Variants in DLG5 observed in about 807,000 individuals in gnomAD.
DLG5 encodes the protein disks large homolog 5.
In DLG5, 48 loss-of-function variants were observed where a neutral mutation model predicts 189.8. The ratio of observed to expected loss-of-function variants is 0.25; its 90% CI spans 0.20 to 0.32. The LOEUF (loss-of-function observed/expected upper bound fraction) is 0.32, where lower values mean the gene tolerates loss of function less well. DLG5 is among the 10% of genes least tolerant of loss of function. The pLI, the probability that DLG5 is intolerant of heterozygous loss-of-function variation, is 1.00. For synonymous variants in DLG5, 1,016 were observed against 1,054.1 expected (o/e 0.96, Z 0.70); for missense variants, 2,160 against 2,544.7 (o/e 0.85, Z 3.25).
chr10:77,908,798 G>A (rs535814125), intron 1 of DLG5, among the ~76,000 whole-genome samples: 1 of 152,164 alleles, frequency 6.6e-6, no homozygotes, highest in Middle Eastern at 3.4e-3. Flanking sequence ...GGGGGGTGGG[G>A]GGAGAGAAGC....
chr10:77,813,017 G>A (rs1034349468), intron 20 of DLG5, among the ~76,000 whole-genome samples: 2 of 152,242 alleles, frequency 1.3e-5, no homozygotes, highest in Admixed American at 1.3e-4. Context: ...TGGGCCTGGT[G>A]GCCACGGGCA....
At chr10:77,923,240 G>C (rs929188880) in intron 1 of DLG5, among the ~76,000 whole-genome samples, 1 of 152,214 alleles carries the variant, frequency 6.6e-6, no homozygotes, top group African/African-American at 2.4e-5. Flanking sequence ...CAAACCCAGA[G>C]CTGCTGCCCA....
intron 1 of DLG5, among the ~76,000 whole-genome samples, chr10:77,886,595 T>C (rs776122107): frequency 9.2e-5 from 14 of 152,128 alleles, no homozygotes; most frequent in Non-Finnish European, 1.3e-4. Flanking sequence ...CCTCAAGTGA[T>C]CTGCCTGCTT....
chr10:77,917,633 G>T (rs1478334858), intron 1 of DLG5, among the ~76,000 whole-genome samples: 1 of 152,110 alleles, frequency 6.6e-6, no homozygotes, highest in African/African-American at 2.4e-5. Context: ...AAGGTCTAGG[G>T]GGCCATGTAG....
chr10:77,811,241 G>A lies in DLG5; in HGVS notation c.4323-7C>T. On this transcript the variant is annotated splice_polypyrimidine_tract_variant and splice_region_variant and intron_variant, in intron 22 of 31. Coordinates refer to ENST00000372391, the MANE Select transcript of DLG5 (RefSeq NM_004747.4). ...GGCAGGGTCCAGGTGTGAGCTGGAG[G>A]CGGAGGACAGGAGGGATAAGGAGCA... 1 of 1,612,188 alleles carries A rather than the reference G, an allele frequency of 6.2e-7. No homozygotes were observed. The highest frequency in any genetic ancestry group is 8.5e-7 in the Non-Finnish European group (1 of 1,179,582).
chr10:77,861,158 C>T (rs1844454724), intron 2 of DLG5, among the ~76,000 whole-genome samples: 2 of 152,100 alleles, frequency 1.3e-5, no homozygotes, highest in South Asian at 4.1e-4. Context: ...GACTCTACAC[C>T]CATGTGAGGA....
Position 77,821,775 on chromosome 10 carries a change from A to T in DLG5, c.2709T>A (p.Arg903=). ...CACGCACGTCCACCAGCCCAAAGCC[A>T]CGGTCCCCAGAGGCATCTGAGCGGA... ...SSFRSDASGD[R]GFGLVDVRGR... Residue 903 remains arginine (R), a synonymous_variant, in exon 15 of 32, where the codon CGT becomes CGA. Transcript: ENST00000372391. 2 of 1,610,420 alleles carry T rather than the reference A, an allele frequency of 1.2e-6. No homozygotes were observed. The highest frequency in any genetic ancestry group is 1.7e-6 in the Non-Finnish European group (2 of 1,178,608).
chr10:77,812,257 G>C lies in DLG5; in HGVS notation c.4146C>G (p.Ile1382Met). The C allele has an allele frequency of 1.2e-6, 2 of 1,614,124 alleles. No homozygotes were observed. Among genetic ancestry groups the C allele is most frequent in the Non-Finnish European group, 1.7e-6 (2 of 1,179,990 alleles). The change falls in exon 21 of 32, where the codon ATC becomes ATG. Residue 1382 changes from isoleucine (I) to methionine (M), a missense_variant. Physicochemically the swap from Ile to Met is conservative, Grantham distance 10. Transcript: ENST00000372391. ...IYVSKVTVGS[I>M]AHQAGLEYGD... ...CATACTCGAGGCCAGCCTGGTGAGCGATGCTCCCCACGGTCACCTTGGAGA... is the reference window on the plus strand; with the variant it reads ...CATACTCGAGGCCAGCCTGGTGAGCCATGCTCCCCACGGTCACCTTGGAGA...
chr10:77,829,432 T>C lies in DLG5; in HGVS notation c.2108A>G (p.Asn703Ser). The C allele has an allele frequency of 1.2e-6, 2 of 1,614,252 alleles. No homozygotes were observed. The highest frequency in any genetic ancestry group is 2.7e-5 in the African/African-American group (2 of 75,076). The change falls in exon 12 of 32, where the codon AAC (asparagine) becomes AGC (serine). Residue 703 changes from asparagine (N) to serine (S), a missense_variant. Asn to Ser is a conservative substitution (Grantham distance 46). Coordinates refer to ENST00000372391, the MANE Select transcript of DLG5 (RefSeq NM_004747.4). ...KALLNGEGAI[N>S]MVVRRRKSLG... is the part of the protein sequence containing the mutation. ...GGACTTCCTCCGCCGCACGACCATG[T>C]TGATGGCCCCCTCCCCATTGAGGAG...
intron 1 of DLG5, among the ~76,000 whole-genome samples, chr10:77,874,587 A>G (rs1415219325): frequency 6.6e-6 from 1 of 152,212 alleles, no homozygotes; most frequent in Non-Finnish European, 1.5e-5. Flanking sequence ...TGTGTATATA[A>G]GGTGTATATG....
chr10:77,806,811 C>G lies in DLG5; in HGVS notation c.4914G>C (p.Gln1638His), dbSNP rs1841500630. 5.6e-6 allele frequency: 9 copies of G among 1,613,780 alleles called. No individual in the cohort carries two copies. In the South Asian group the frequency reaches 8.8e-5, roughly 16 times the overall value. The part of the protein sequence containing the change: ...QGTFGSWMAW[Q>H]LDENAQKIQR... ...GGATCTTCTGGGCATTCTCGTCCAG[C>G]TGCCAAGCCATCCAGGACCCGAACG... The change falls in exon 26 of 32, where the codon CAG (glutamine) becomes CAC (histidine). Residue 1638 changes from glutamine to histidine, a missense_variant. Physicochemically the swap from Gln to His is conservative, Grantham distance 24. Transcript: ENST00000372391.
chr10:77,794,102 G>T lies in DLG5; in HGVS notation c.5562C>A (p.Pro1854=), dbSNP rs147873648. 6.2e-7 allele frequency: 1 copy of T among 1,614,132 alleles called. No homozygotes were observed. The highest frequency in any genetic ancestry group is 8.5e-7 in the Non-Finnish European group (1 of 1,180,020). ...SAKHIKEQRD[P]IYLRDKVTQR... Reference sequence around the variant, plus strand: ...GAGTCACCTTGTCCCTCAGGTAGATGGGGTCTCTCTGCTCCCTGTGGGGAC... The same window carrying T: ...GAGTCACCTTGTCCCTCAGGTAGATTGGGTCTCTCTGCTCCCTGTGGGGAC... The change falls in exon 31 of 32, where the codon CCC becomes CCA. Residue 1854 remains proline (P), a synonymous_variant. Coordinates refer to ENST00000372391, the MANE Select transcript of DLG5 (RefSeq NM_004747.4).
intron 23 of DLG5, among the ~76,000 whole-genome samples, chr10:77,810,811 C>T (rs1163136539): frequency 6.6e-6 from 1 of 151,838 alleles, no homozygotes; most frequent in Non-Finnish European, 1.5e-5. Flanking sequence ...GGGAATGTGT[C>T]CAAAGACAGA....
intron 1 of DLG5, among the ~76,000 whole-genome samples, chr10:77,879,219 A>G (rs1225892609): frequency 6.6e-6 from 1 of 152,114 alleles, no homozygotes; most frequent in African/African-American, 2.4e-5. Flanking sequence ...AGAGACCTAG[A>G]GGAAGCGTGG....
chr10:77,833,855 A>G, intron 9 of DLG5, 59 bp downstream of exon 9: 1 of 1,588,936 alleles, frequency 6.3e-7, no homozygotes, highest in Admixed American at 1.7e-5. Context: ...CCCAGAAGGG[A>G]GAGGGGCCCC....
At chr10:77,915,849 A>T (rs1387653522) in intron 1 of DLG5, among the ~76,000 whole-genome samples, 1 of 152,206 alleles carries the variant, frequency 6.6e-6, no homozygotes. Context: ...GCCTTTAGGG[A>T]TGAAGATGTA....
intron 27 of DLG5, among the ~76,000 whole-genome samples, chr10:77,797,715 G>C (rs1392341986): frequency 1.3e-5 from 2 of 152,220 alleles, no homozygotes; most frequent in African/African-American, 4.8e-5. Context: ...GTACGCATAT[G>C]CAGAACAAGG....
intron 1 of DLG5, among the ~76,000 whole-genome samples, chr10:77,871,093 C>T (rs1369291473): frequency 1.3e-5 from 2 of 152,110 alleles, no homozygotes; most frequent in African/African-American, 2.4e-5. Context: ...AATCTGAAGG[C>T]GTTGAGCATG....
At chr10:77,923,500 G>T (rs1250626705) in intron 1 of DLG5, among the ~76,000 whole-genome samples, 2 of 152,350 alleles carry the variant, frequency 1.3e-5, no homozygotes, top group African/African-American at 4.8e-5. Context: ...GCTCACGCCT[G>T]TAATCCCAAC....
Sources: allele counts gnomAD v4.1 joint callset (sites outside exome capture counted in the v4.1 genomes callset), GRCh38; gene constraint gnomAD v4.1.1; transcripts MANE v1.5; gene names NCBI Gene and HGNC (gene_info 2026-07-23, HGNC 2026-07-21).